OR10R2: variants seen among roughly 807,000 people sequenced by gnomAD.
The protein encoded by OR10R2 is olfactory receptor 10R2.
OR10R2 carries 1 observed loss-of-function variant against 2.4 expected under a neutral mutation model. The ratio of observed to expected loss-of-function variants is 0.41; its 90% CI spans 0.15 to 1.95. OR10R2 has a LOEUF of 1.95. Ranked by LOEUF, OR10R2 falls within the 30% of genes most tolerant of loss-of-function variation. The pLI is 0.30. For synonymous variants in OR10R2, 166 were observed against 144.8 expected, an observed-to-expected ratio of 1.15 and a Z score of -1.05; for missense variants, 419 against 373.0, an observed-to-expected ratio of 1.12 and a Z score of -1.01.
intron 1 of OR10R2, among the ~76,000 whole-genome samples, chr1:158,473,608 T>A (rs1443768910): frequency 6.6e-6 from 1 of 152,250 alleles, no homozygotes; most frequent in Non-Finnish European, 1.5e-5. Context: ...TTCAGTGAAC[T>A]AAGAAGTTCC....
chr1:158,480,640 C>A (rs145324354), exon 2 of OR10R2: 2 of 1,613,802 alleles, frequency 1.2e-6, no homozygotes, highest in Admixed American at 1.7e-5. Context: ...TGAGGGCAGA[C>A]GGAAAGCGTT....
At chr1:158,476,257 AT>A (rs761692244) in intron 1 of OR10R2, among the ~76,000 whole-genome samples, 6 of 152,108 alleles carry the variant, frequency 3.9e-5, no homozygotes, top group Non-Finnish European at 5.9e-5. Context: ...TTTAAAAAAA[AT>A]TTAAGTAGGC....
At chr1:158,480,240 GTTC>G (rs1361400401) in exon 2 of OR10R2, 2 of 1,613,970 alleles carry the variant, frequency 1.2e-6, no homozygotes, top group Non-Finnish European at 1.7e-6. Flanking sequence ...CTCTTCAAAT[GTTC>G]TTCTTCCTTG....
chr1:158,475,407 G>A (rs1656251826), intron 1 of OR10R2, among the ~76,000 whole-genome samples: 2 of 151,896 alleles, frequency 1.3e-5, no homozygotes, highest in African/African-American at 4.8e-5. Flanking sequence ...TAAATTTTTT[G>A]TTACTAGTCA....
chr1:158,476,351 T>C lies in OR10R2; in HGVS notation c.28-3587T>C, dbSNP rs552490486. Among the ~76,000 whole-genome samples the C allele has an allele frequency of 5.3e-5, 8 of 151,874 alleles. No homozygotes were observed. The South Asian group carries it at 1.7e-3, about 31-fold the overall frequency. On this transcript the variant is annotated intron_variant, in intron 1 of 1. Transcript: ENST00000641067. ...TCACGAGGTCAGGAGATCGAGATCA[T>C]CCTGGCTAAGGCGGTGAAACCCCGT...
At chr1:158,472,626 T>A (rs1656185665) in intron 1 of OR10R2, among the ~76,000 whole-genome samples, 1 of 152,242 alleles carries the variant, frequency 6.6e-6, no homozygotes. Flanking sequence ...TATGTCATTT[T>A]AAAGATGTTA....
intron 1 of OR10R2, among the ~76,000 whole-genome samples, chr1:158,476,249 T>A (rs111693896): frequency 2.2e-3 from 331 of 152,208 alleles, no homozygotes; most frequent in African/African-American, 6.8e-3. Flanking sequence ...CTATATTTTT[T>A]AAAAAAAATT....
At chr1:158,473,786 C>CCTT (rs1557874983) in intron 1 of OR10R2, among the ~76,000 whole-genome samples, 1,129 of 84,148 alleles carry the variant, frequency 0.013, 56 homozygotes, top group African/African-American at 0.029. Context: ...CTCCCTCCTT[C>CCTT]CCTCTTTCCC....
At chr1:158,478,808 CAT>C (rs1333087416) in intron 1 of OR10R2, among the ~76,000 whole-genome samples, 1 of 152,090 alleles carries the variant, frequency 6.6e-6, no homozygotes, top group East Asian at 1.9e-4. Flanking sequence ...GATAATTAGT[CAT>C]AATCTGTTTG....
intron 1 of OR10R2, among the ~76,000 whole-genome samples, chr1:158,478,055 C>A (rs921350038): frequency 6.6e-6 from 1 of 152,068 alleles, no homozygotes; most frequent in Non-Finnish European, 1.5e-5. Context: ...AACAATGGAA[C>A]AAGGACGCCC....
rs1656207176 is a variant in OR10R2, at chr1:158,473,765, T to TTCCTTCCTTCCTCCCTCTCTCCC, written c.27+1430_27+1431insTCTCCCTCCTTCCTTCCTCCCTC. ...TTTCCCTCCCTTTCTTTATCCTTCCTTCCTTCCTTCCTCCCTCCTTCCCTC... is the reference window on the plus strand; with the variant it reads ...TTTCCCTCCCTTTCTTTATCCTTCCTTCCTTCCTTCCTCCCTCTCTCCCTCCTTCCTTCCTCCCTCCTTCCCTC... On this transcript the variant is annotated intron_variant, in intron 1 of 1. Coordinates refer to ENST00000641067, the Ensembl canonical transcript of OR10R2. 4.1e-5 allele frequency among the ~76,000 whole-genome samples: 3 copies of TTCCTTCCTTCCTCCCTCTCTCCC among 72,864 alleles called. 1 individual carries two copies. The highest frequency in any genetic ancestry group is 8.7e-5 in the Non-Finnish European group (3 of 34,308). 47.8% of individuals were successfully genotyped at this position (72,864 alleles called of 152,430 possible). A position where few individuals can be genotyped will look rare whatever the true frequency, so the allele number is the denominator to read the frequency against.
At chr1:158,473,802 G>C (rs879857651) in intron 1 of OR10R2, among the ~76,000 whole-genome samples, 5,043 of 25,804 alleles carry the variant, frequency 0.2, 475 homozygotes, top group Middle Eastern at 0.44. Flanking sequence ...TTCCCTCTCT[G>C]CTTCCTTCCT....
At chr1:158,479,995 C>T in exon 2 of OR10R2, 2 of 1,613,768 alleles carry the variant, frequency 1.2e-6, no homozygotes, top group Non-Finnish European at 1.7e-6. Flanking sequence ...TTTTTCCAGC[C>T]TTGGTGAAAT....
At chr1:158,480,040 T>C in exon 2 of OR10R2, 1 of 1,614,088 alleles carries the variant, frequency 6.2e-7, no homozygotes, top group Non-Finnish European at 8.5e-7. Flanking sequence ...TCTTTTTCTG[T>C]ATCTAGTCAT....
chr1:158,478,307 G>A (rs554209194), intron 1 of OR10R2, among the ~76,000 whole-genome samples: 2 of 152,152 alleles, frequency 1.3e-5, no homozygotes, highest in South Asian at 4.2e-4. Flanking sequence ...TTCATAAGTG[G>A]GAGCTAATTA....
chr1:158,476,922 G>T (rs1255820970), intron 1 of OR10R2, among the ~76,000 whole-genome samples: 2 of 151,942 alleles, frequency 1.3e-5, no homozygotes, highest in Non-Finnish European at 2.9e-5. Flanking sequence ...TTTTAAAATG[G>T]GGTTTATTGT....
At chr1:158,472,958 A>G (rs1351185702) in intron 1 of OR10R2, among the ~76,000 whole-genome samples, 1 of 152,226 alleles carries the variant, frequency 6.6e-6, no homozygotes, top group East Asian at 1.9e-4. Flanking sequence ...TCTTTATAAC[A>G]TCCCATATTA....
chr1:158,480,442 T>C, exon 2 of OR10R2: 2 of 1,614,058 alleles, frequency 1.2e-6, no homozygotes. Context: ...CCTCCCTTTT[T>C]GTAGCGCCAA....
intron 1 of OR10R2, among the ~76,000 whole-genome samples, chr1:158,479,218 C>T (rs1350344579): frequency 6.6e-6 from 1 of 152,094 alleles, no homozygotes; most frequent in African/African-American, 2.4e-5. Context: ...ATTCTGATTT[C>T]TTTTCATATA....
Sources: allele counts gnomAD v4.1 joint callset (sites outside exome capture counted in the v4.1 genomes callset), GRCh38; gene constraint gnomAD v4.1.1; transcripts MANE v1.5; gene names NCBI Gene and HGNC (gene_info 2026-07-23, HGNC 2026-07-21).